The following SRPK2 variants were observed in gnomAD, a reference collection of about 807,000 sequenced individuals.
SRPK2 encodes the protein SRSF protein kinase 2.
SRPK2 carries 21 observed loss-of-function variants against 90.8 expected under a neutral mutation model. The observed-to-expected ratio is 0.23, with a 90% CI of 0.16 to 0.33. The LOEUF (loss-of-function observed/expected upper bound fraction) is 0.33. Among genes scored for constraint, SRPK2 ranks in the 10% least tolerant of loss-of-function variants. SRPK2 has a pLI of 1.00. For missense variants in SRPK2, 620 were observed against 869.0 expected, an observed-to-expected ratio of 0.71 and a Z score of 3.60; for synonymous variants, 288 against 311.1, an observed-to-expected ratio of 0.93 and a Z score of 0.78.
chr7:105,137,138 AG>A (rs1802952667), intron 11 of SRPK2, among the ~76,000 whole-genome samples: 1 of 152,226 alleles, frequency 6.6e-6, no homozygotes, highest in Non-Finnish European at 1.5e-5. Flanking sequence ...TTTGAGGCAA[AG>A]GACACGGGAA....
chr7:105,302,177 C>T lies in SRPK2; in HGVS notation c.71+86471G>A. 3.3e-6 allele frequency: 3 copies of T among 896,458 alleles called. 1 individual carries two copies. The highest frequency in any genetic ancestry group is 2.8e-5 in the South Asian group (2 of 70,952). 55.5% of individuals were successfully genotyped at this position (896,458 alleles called of 1,614,324 possible). A position where few individuals can be genotyped will look rare whatever the true frequency, so the allele number is the denominator to read the frequency against. The stretch of plus-strand genomic sequence containing the variant: ...TTACCATTTTCTGGTATTGAGGTGG[C>T]TTTTTATAAAATAATTTTTGTATGT... On this transcript the variant is annotated intron_variant, in intron 2 of 15. Coordinates refer to ENST00000393651, the MANE Select transcript of SRPK2 (RefSeq NM_182692.3).
chr7:105,229,863 G>T (rs531875267), intron 2 of SRPK2, among the ~76,000 whole-genome samples: 5 of 152,282 alleles, frequency 3.3e-5, no homozygotes, highest in Non-Finnish European at 7.4e-5. Flanking sequence ...GCTGTCCCAG[G>T]GATCTAGTCC....
At chr7:105,144,530 C>A (rs971376493) in intron 9 of SRPK2, among the ~76,000 whole-genome samples, 3 of 151,998 alleles carry the variant, frequency 2.0e-5, no homozygotes, top group Admixed American at 1.3e-4. Context: ...CGTGAGTCAC[C>A]ACACCCAGTA....
At chr7:105,118,887 G>A (rs1799934616) in intron 15 of SRPK2, among the ~76,000 whole-genome samples, 1 of 152,136 alleles carries the variant, frequency 6.6e-6, no homozygotes, top group Non-Finnish European at 1.5e-5. Flanking sequence ...CTCCATCCTG[G>A]GACAGAGCAA....
chr7:105,330,323 C>T (rs1231355183), intron 2 of SRPK2, among the ~76,000 whole-genome samples: 2 of 150,768 alleles, frequency 1.3e-5, no homozygotes, highest in Non-Finnish European at 3.0e-5. Flanking sequence ...GGTGACAGAT[C>T]GAGACTCTGT....
chr7:105,262,062 G>A (rs369346324), intron 2 of SRPK2, among the ~76,000 whole-genome samples: 1 of 152,184 alleles, frequency 6.6e-6, no homozygotes, highest in Non-Finnish European at 1.5e-5. Context: ...GGTTTTAAAC[G>A]TGGAATGACC....
At chr7:105,334,869 T>A (rs1161599147) in intron 2 of SRPK2, among the ~76,000 whole-genome samples, 2 of 148,418 alleles carry the variant, frequency 1.3e-5, no homozygotes, top group African/African-American at 5.1e-5. Flanking sequence ...ATTAATTAAC[T>A]TAAAGAACAC....
intron 2 of SRPK2, among the ~76,000 whole-genome samples, chr7:105,319,347 T>C (rs1477008007): frequency 2.6e-5 from 4 of 152,126 alleles, no homozygotes; most frequent in Non-Finnish European, 5.9e-5. Flanking sequence ...CCTCCATTTA[T>C]GGTTTTGTGA....
intron 14 of SRPK2, 145 bp downstream of exon 14, chr7:105,126,848 A>G (rs3815256): frequency 0.83 from 664,135 of 796,602 alleles, 281,730 homozygotes; most frequent in Non-Finnish European, 0.88. Context: ...CTGAGGGGGC[A>G]TCAAACTCAA....
intron 2 of SRPK2, among the ~76,000 whole-genome samples, chr7:105,305,659 C>G (rs1811066016): frequency 6.6e-6 from 1 of 152,140 alleles, no homozygotes; most frequent in South Asian, 2.1e-4. Context: ...GAGGAAAACA[C>G]TCTTTCCCTA....
intron 2 of SRPK2, among the ~76,000 whole-genome samples, chr7:105,355,185 C>T (rs1049667331): frequency 2.0e-4 from 30 of 152,242 alleles, no homozygotes; most frequent in African/African-American, 7.2e-4. Context: ...AACAATGTTG[C>T]TCTTTCAGTT....
intron 2 of SRPK2, among the ~76,000 whole-genome samples, chr7:105,329,944 AGAATCGC>A (rs1475677258): frequency 1.2e-4 from 19 of 152,120 alleles, no homozygotes; most frequent in Admixed American, 1.0e-3. Flanking sequence ...CTGAGGCAGG[AGAATCGC>A]TTGAACACAG....
At chr7:105,139,507 G>A (rs567061282) in intron 11 of SRPK2, among the ~76,000 whole-genome samples, 2 of 152,284 alleles carry the variant, frequency 1.3e-5, no homozygotes, top group South Asian at 2.1e-4. Context: ...AGGTTGGCAG[G>A]GAAAGTTGTA....
At chr7:105,253,869 T>A (rs1802830077) in intron 2 of SRPK2, among the ~76,000 whole-genome samples, 1 of 150,698 alleles carries the variant, frequency 6.6e-6, no homozygotes, top group African/African-American at 2.5e-5. Context: ...GGTTAGAGAA[T>A]CTTAATTCCT....
chr7:105,350,950 C>T lies in SRPK2; in HGVS notation c.71+37698G>A, dbSNP rs1051482445. ...ATTAAAGTTTACAGAGCCTATCTTA[C>T]GCGCTTTATCTATTTGCTACCACCC... On this transcript the variant is annotated intron_variant, in intron 2 of 15. Coordinates refer to ENST00000393651, the MANE Select transcript of SRPK2 (RefSeq NM_182692.3). Among the ~76,000 whole-genome samples, 7 of 152,112 alleles carry T rather than the reference C, an allele frequency of 4.6e-5. No individual in the cohort carries two copies. In the East Asian group the frequency reaches 5.8e-4, roughly 13 times the overall value.
intron 2 of SRPK2, among the ~76,000 whole-genome samples, chr7:105,387,760 G>A (rs891956958): frequency 1.3e-5 from 2 of 152,216 alleles, no homozygotes; most frequent in African/African-American, 4.8e-5. Context: ...AGATAACGAT[G>A]TCGAACGCTG....
At chr7:105,298,710 C>T (rs1810162637) in intron 2 of SRPK2, 1 of 985,156 alleles carries the variant, frequency 1.0e-6, no homozygotes. Flanking sequence ...AATAGTTCAT[C>T]CCCATCCCTC....
Position 105,169,192 on chromosome 7 carries a change from C to T in SRPK2, c.303G>A (p.Gly101=), listed in dbSNP as rs773077941. The stretch of plus-strand genomic sequence containing the variant: ...AGCACAGCCAGACAGTAGAGAAGTG[C>T]CCCCATCCAAGCTTTCTAATAACAT... ...RYHVIRKLGW[G]HFSTVWLCWD... Residue 101 remains glycine (G), a synonymous_variant, in exon 4 of 16, where the codon GGG becomes GGA. Coordinates refer to ENST00000393651, the MANE Select transcript of SRPK2 (RefSeq NM_182692.3). 3.7e-6 allele frequency: 6 copies of T among 1,613,266 alleles called. No individual in the cohort carries two copies. The South Asian group carries it at 5.5e-5, about 15-fold the overall frequency.
chr7:105,393,170 A>G (rs868676511), upstream of SRPK2, among the ~76,000 whole-genome samples: 14 of 151,622 alleles, frequency 9.2e-5, no homozygotes, highest in Non-Finnish European at 5.9e-5. Flanking sequence ...ATTTTTTTGT[A>G]TTTTTAGTAG....
Sources: gnomAD v4.1 joint callset for allele counts (sites outside exome capture counted in the v4.1 genomes callset) on GRCh38, gnomAD v4.1.1 for gene constraint, MANE v1.5 for transcripts, NCBI Gene and HGNC (gene_info 2026-07-23, HGNC 2026-07-21) for gene names.